MPHOSPH8: variants seen among roughly 807,000 people sequenced by gnomAD.
MPHOSPH8 encodes the protein M-phase phosphoprotein, mpp.
In MPHOSPH8, 45 loss-of-function variants were observed where a neutral mutation model predicts 87.3. The ratio of observed to expected loss-of-function variants is 0.52; its 90% CI spans 0.41 to 0.66. MPHOSPH8 has a LOEUF of 0.66. Among genes scored for constraint, MPHOSPH8 ranks in the 30% least tolerant of loss-of-function variants. The pLI is 0.00. For synonymous variants in MPHOSPH8, 366 were observed against 376.9 expected (o/e 0.97, Z 0.33); for missense variants, 883 against 1,020.2 (o/e 0.87, Z 1.83).
intron 1 of MPHOSPH8, among the ~76,000 whole-genome samples, chr13:19,641,552 G>A (rs1037019624): frequency 5.6e-5 from 8 of 142,200 alleles, no homozygotes; most frequent in Non-Finnish European, 1.0e-4. Flanking sequence ...GTGCAATGGC[G>A]TGTGATCTTG....
chr13:19,663,161 T>C, intron 9 of MPHOSPH8, 35 bp downstream of exon 9: 1 of 1,563,292 alleles, frequency 6.4e-7, no homozygotes, highest in Non-Finnish European at 8.8e-7. Flanking sequence ...CTTTCTTCAC[T>C]ACGTTGGCAG....
intron 9 of MPHOSPH8, among the ~76,000 whole-genome samples, chr13:19,663,918 A>G (rs986648589): frequency 7.2e-5 from 11 of 152,184 alleles, no homozygotes; most frequent in Non-Finnish European, 1.6e-4. Context: ...CTGGGTCTGC[A>G]GGGCACCTGG....
At chr13:19,636,925 A>C (rs1047356417) in intron 1 of MPHOSPH8, among the ~76,000 whole-genome samples, 1 of 152,198 alleles carries the variant, frequency 6.6e-6, no homozygotes, top group African/African-American at 2.4e-5. Flanking sequence ...TTGAAGTCAA[A>C]TTTATAAATC....
At chr13:19,636,550 C>T (rs958459457) in intron 1 of MPHOSPH8, among the ~76,000 whole-genome samples, 2 of 151,382 alleles carry the variant, frequency 1.3e-5, no homozygotes, top group East Asian at 3.9e-4. Flanking sequence ...ATAATCATGG[C>T]TCTCTGCAGC....
Position 19,665,504 on chromosome 13 carries a change from T to A in MPHOSPH8, c.2020-921T>A, listed in dbSNP as rs550522091. Among the ~76,000 whole-genome samples the A allele has an allele frequency of 2.5e-5, 3 of 119,446 alleles. No individual in the cohort carries two copies. In the South Asian group the frequency reaches 7.4e-4, roughly 29 times the overall value. The allele number at this position is 119,446 out of a possible 152,430, so 78.4% of individuals were successfully genotyped here. ...GGCCACTCGCTCTGTCCCGAGCCTGTCCTGGACGGCGTCCCTAACCTCTGC... is the reference window on the plus strand; with the variant it reads ...GGCCACTCGCTCTGTCCCGAGCCTGACCTGGACGGCGTCCCTAACCTCTGC... On this transcript the variant is annotated intron_variant, in intron 9 of 13. Coordinates refer to ENST00000361479, the MANE Select transcript of MPHOSPH8 (RefSeq NM_017520.4).
chr13:19,661,749 G>A lies in MPHOSPH8; in HGVS notation c.1843G>A (p.Asp615Asn), dbSNP rs1473185738. Reference sequence around the variant, plus strand: ...GCTTGCCGCCGCCGGAGGGCAGGACGACCTCCTGCGACTCCTCATCACAAA... The same window carrying A: ...GCTTGCCGCCGCCGGAGGGCAGGACAACCTCCTGCGACTCCTCATCACAAA... Reference protein sequence around the residue: ...VMLAAAGGQDDLLRLLITKGA... With the variant: ...VMLAAAGGQDNLLRLLITKGA... The change falls in exon 8 of 14, where the codon GAC becomes AAC. Residue 615 changes from aspartate to asparagine, a missense_variant. By Grantham distance (23) the Asp-to-Asn change is conservative (BLOSUM62 1). This residue lies in a region of MPHOSPH8 where 741 missense variants were observed against 841.5 expected (regional missense o/e 0.88). Coordinates refer to ENST00000361479, the MANE Select transcript of MPHOSPH8 (RefSeq NM_017520.4). The A allele has an allele frequency of 3.1e-6, 5 of 1,612,208 alleles. No homozygotes were observed. In the South Asian group the frequency reaches 5.5e-5, roughly 18 times the overall value.
intron 1 of MPHOSPH8, among the ~76,000 whole-genome samples, chr13:19,639,929 A>C (rs2137498955): frequency 6.6e-6 from 1 of 152,118 alleles, no homozygotes; most frequent in South Asian, 2.1e-4. Flanking sequence ...ACATGCCGAA[A>C]CCCCATCTCT....
intron 9 of MPHOSPH8, among the ~76,000 whole-genome samples, chr13:19,664,419 GC>G (rs1048529586): frequency 6.6e-6 from 1 of 152,156 alleles, no homozygotes; most frequent in Non-Finnish European, 1.5e-5. Context: ...GGGCACAGAA[GC>G]CCCCTTCATG....
chr13:19,640,106 C>A (rs1022617122), intron 1 of MPHOSPH8, among the ~76,000 whole-genome samples: 2 of 149,808 alleles, frequency 1.3e-5, no homozygotes, highest in Non-Finnish European at 1.5e-5. Flanking sequence ...AAAAAAAAAA[C>A]AACCAAAAAG....
At chr13:19,669,326 C>T (rs369451819) in intron 11 of MPHOSPH8, among the ~76,000 whole-genome samples, 28 of 151,482 alleles carry the variant, frequency 1.8e-4, no homozygotes, top group East Asian at 1.8e-3. Context: ...GGATTACAGG[C>T]GTGAGCCACC....
In MPHOSPH8 at chr13:19,646,527, A is replaced by G. The variant is rs939959852; in HGVS notation, c.454A>G (p.Lys152Glu). 1.3e-6 allele frequency: 2 copies of G among 1,573,418 alleles called. No individual in the cohort carries two copies. Among genetic ancestry groups the G allele is most frequent in the African/African-American group, 1.4e-5 (1 of 72,246 alleles). ...SETKEDTSPK[K>E]KKKKLRQREE... is the part of the protein sequence containing the mutation. ...GACAAAAGAAGATACTTCCCCAAAG[A>G]AGAAAAAGAAAAAATTGAGGCAGAG... The change falls in exon 3 of 14, where the codon AAG (lysine) becomes GAG (glutamate). Residue 152 changes from lysine to glutamate, a missense_variant. Lys to Glu is a moderately conservative substitution (Grantham distance 56). Coordinates refer to ENST00000361479, the MANE Select transcript of MPHOSPH8 (RefSeq NM_017520.4).
In MPHOSPH8 at chr13:19,666,457, A is replaced by G; in HGVS notation, c.2052A>G (p.Arg684=). The G allele has an allele frequency of 1.2e-6, 2 of 1,610,636 alleles. No homozygotes were observed. ...ACKRGNSDIV[R]LVIECGADCN... ...AAAGAGGAAATTCAGACATCGTACGACTCGTAATTGAATGTGGAGCTGACT... is the reference window on the plus strand; with the variant it reads ...AAAGAGGAAATTCAGACATCGTACGGCTCGTAATTGAATGTGGAGCTGACT... The change falls in exon 10 of 14, where the codon CGA becomes CGG. Residue 684 remains arginine, a synonymous_variant. Transcript: ENST00000361479.
chr13:19,641,738 C>T (rs1374091406), intron 1 of MPHOSPH8, among the ~76,000 whole-genome samples: 6 of 151,896 alleles, frequency 4.0e-5, no homozygotes, highest in African/African-American at 1.5e-4. Flanking sequence ...TCAGGTGATG[C>T]GCTTGCCTCG....
chr13:19,654,329 G>C (rs9578181), intron 5 of MPHOSPH8, among the ~76,000 whole-genome samples: 12,813 of 152,038 alleles, frequency 0.084, 575 homozygotes, highest in Middle Eastern at 0.13. Context: ...GGCCTGTCAG[G>C]GGGTAGGGGC....
chr13:19,664,724 G>T (rs1875720948), intron 9 of MPHOSPH8, among the ~76,000 whole-genome samples: 1 of 152,126 alleles, frequency 6.6e-6, no homozygotes, highest in Admixed American at 6.5e-5. Flanking sequence ...CATTTCCTAA[G>T]TTGGGGCACG....
In MPHOSPH8 at chr13:19,646,959, G is replaced by A; in HGVS notation, c.886G>A (p.Ala296Thr). The change falls in exon 3 of 14, where the codon GCA becomes ACA. Residue 296 changes from alanine to threonine, a missense_variant. Physicochemically the swap from Ala to Thr is moderately conservative, Grantham distance 58 (BLOSUM62 0). This residue lies in a region of MPHOSPH8 where 741 missense variants were observed against 841.5 expected (regional missense o/e 0.88). Transcript: ENST00000361479. ...AGAAGAGAAACAAAACACTAAAAGTGCAAGAGAGAGAGCAGGGCAGGACAT... is the reference window on the plus strand; with the variant it reads ...AGAAGAGAAACAAAACACTAAAAGTACAAGAGAGAGAGCAGGGCAGGACAT... The part of the protein sequence containing the change: ...SREEKQNTKS[A>T]RERAGQDMGL... 1.9e-6 allele frequency: 3 copies of A among 1,592,708 alleles called. No homozygotes were observed. The highest frequency in any genetic ancestry group is 2.6e-6 in the Non-Finnish European group (3 of 1,174,716).
intron 2 of MPHOSPH8, among the ~76,000 whole-genome samples, chr13:19,643,164 AGTTACG>A (rs1229128851): frequency 6.6e-6 from 1 of 152,122 alleles, no homozygotes; most frequent in East Asian, 1.9e-4. Flanking sequence ...AAACAGTTAC[AGTTACG>A]GAAAGATAGG....
At chr13:19,661,673 T>C (rs2137534733) in intron 7 of MPHOSPH8, 25 bp from the exon 8 acceptor site, 1 of 1,566,976 alleles carries the variant, frequency 6.4e-7, no homozygotes, top group African/African-American at 1.4e-5. Context: ...GATTAACACG[T>C]TTTTTATTTA....
chr13:19,659,885 G>A (rs1284156140), intron 7 of MPHOSPH8, among the ~76,000 whole-genome samples: 4 of 151,380 alleles, frequency 2.6e-5, no homozygotes, highest in Non-Finnish European at 5.9e-5. Context: ...TTCTTTGATG[G>A]TTGTCCCATT....
Sources: gnomAD v4.1 joint callset for allele counts (sites outside exome capture counted in the v4.1 genomes callset) on GRCh38, gnomAD v4.1.1 for gene constraint, gnomAD v4.1.1 regional missense constraint, MANE v1.5 for transcripts, NCBI Gene and HGNC (gene_info 2026-07-23, HGNC 2026-07-21) for gene names.